FAM110B: variants seen among roughly 807,000 people sequenced by gnomAD.
FAM110B encodes the protein protein FAM110B.
FAM110B carries 6 observed loss-of-function variants against 20.4 expected under a neutral mutation model. That is an observed-to-expected ratio of 0.29 (90% CI 0.16 to 0.58). The LOEUF (loss-of-function observed/expected upper bound fraction) is 0.58. FAM110B is among the 20% of genes least tolerant of loss of function. The pLI, the probability that FAM110B is intolerant of heterozygous loss-of-function variation, is 0.90. For missense variants in FAM110B, 434 were observed against 498.2 expected (o/e 0.87, Z 1.23); for synonymous variants, 226 against 214.1 (o/e 1.06, Z -0.49).
intron 1 of FAM110B, among the ~76,000 whole-genome samples, chr8:58,025,251 T>C (rs1304986927): frequency 4.0e-5 from 6 of 151,544 alleles, no homozygotes; most frequent in Non-Finnish European, 8.8e-5. Flanking sequence ...CTCAGGGAGG[T>C]CAAGGGAATG....
chr8:58,067,332 A>G (rs1805792651), intron 2 of FAM110B, among the ~76,000 whole-genome samples: 1 of 152,212 alleles, frequency 6.6e-6, no homozygotes, highest in Non-Finnish European at 1.5e-5. Context: ...GGAAGAGTAG[A>G]TGAGGGTTTC....
chr8:58,113,090 G>C lies in FAM110B; in HGVS notation c.-324-32817G>C, dbSNP rs1412978524. 5.9e-5 allele frequency: 5 copies of C among 84,688 alleles called. No homozygotes were observed. The East Asian group carries it at 1.1e-3, about 18-fold the overall frequency. The allele number at this position is 84,688 out of a possible 1,614,324, so 5.2% of individuals were successfully genotyped here. A position where few individuals can be genotyped will look rare whatever the true frequency, so the allele number is the denominator to read the frequency against. On this transcript the variant is annotated intron_variant, in intron 3 of 3. Coordinates refer to ENST00000519262, the MANE Select transcript of FAM110B (RefSeq NM_001377989.1). Reference sequence around the variant, plus strand: ...TACAAGGGCACCATTCCCATTCATGGGGGGGGGCTCTGCCCTCATGATTTA... The same window carrying C: ...TACAAGGGCACCATTCCCATTCATGCGGGGGGGCTCTGCCCTCATGATTTA...
chr8:58,138,189 G>T (rs1803664138), intron 3 of FAM110B, among the ~76,000 whole-genome samples: 1 of 152,230 alleles, frequency 6.6e-6, no homozygotes, highest in Non-Finnish European at 1.5e-5. Context: ...TTCAGAGCTG[G>T]TTCTCTCTGG....
At chr8:58,103,482 C>T (rs938279773) in intron 3 of FAM110B, among the ~76,000 whole-genome samples, 9 of 152,066 alleles carry the variant, frequency 5.9e-5, no homozygotes, top group Admixed American at 5.9e-4. Flanking sequence ...TTCATCCATG[C>T]CCCTACAAAG....
chr8:58,138,157 A>G (rs1006733687), intron 3 of FAM110B, among the ~76,000 whole-genome samples: 4 of 152,182 alleles, frequency 2.6e-5, no homozygotes, highest in East Asian at 1.9e-4. Flanking sequence ...GTGGGAATCA[A>G]TGTCCCCTGG....
intron 3 of FAM110B, among the ~76,000 whole-genome samples, chr8:58,135,656 A>G (rs1479495092): frequency 6.6e-6 from 1 of 152,224 alleles, no homozygotes; most frequent in Non-Finnish European, 1.5e-5. Context: ...ACACAGCTAA[A>G]GGAGAAAGCA....
At chr8:58,085,914 T>C (rs1362437187) in intron 3 of FAM110B, among the ~76,000 whole-genome samples, 1 of 152,216 alleles carries the variant, frequency 6.6e-6, no homozygotes, top group Non-Finnish European at 1.5e-5. Flanking sequence ...AAATTATCAA[T>C]GGGAAAGTAT....
intron 1 of FAM110B, among the ~76,000 whole-genome samples, chr8:58,014,444 G>A (rs1178660917): frequency 6.6e-6 from 1 of 152,214 alleles, no homozygotes; most frequent in Non-Finnish European, 1.5e-5. Flanking sequence ...TCCTGAGCCT[G>A]TCTGGGTGAA....
intron 3 of FAM110B, chr8:58,113,601 T>A (rs934050855): frequency 1.2e-5 from 2 of 167,992 alleles, no homozygotes; most frequent in African/African-American, 4.8e-5. Context: ...CAGTCAAAAG[T>A]CACAAAGGGA....
intron 1 of FAM110B, among the ~76,000 whole-genome samples, chr8:58,030,484 A>G (rs1804941089): frequency 1.3e-5 from 2 of 152,210 alleles, no homozygotes; most frequent in African/African-American, 4.8e-5. Flanking sequence ...TTCCTAATAC[A>G]TGTTTAGTGT....
intron 2 of FAM110B, among the ~76,000 whole-genome samples, chr8:58,036,024 A>G (rs1359723845): frequency 6.6e-6 from 1 of 152,148 alleles, no homozygotes; most frequent in African/African-American, 2.4e-5. Context: ...TCCTGATGTG[A>G]AGCAATAATG....
chr8:58,111,134 A>T (rs1449215020), intron 3 of FAM110B, among the ~76,000 whole-genome samples: 1 of 152,204 alleles, frequency 6.6e-6, no homozygotes, highest in Non-Finnish European at 1.5e-5. Context: ...TATGTTTTGT[A>T]TTTATGTACA....
Position 58,146,118 on chromosome 8 carries a change from G to A in FAM110B, c.-113G>A. 2 of 1,274,372 alleles carry A rather than the reference G, an allele frequency of 1.6e-6. No individual in the cohort carries two copies. Among genetic ancestry groups the A allele is most frequent in the South Asian group, 1.6e-5 (1 of 63,076 alleles). 78.9% of individuals were successfully genotyped at this position (1,274,372 alleles called of 1,614,324 possible). A position where few individuals can be genotyped will look rare whatever the true frequency, so the allele number is the denominator to read the frequency against. On this transcript the variant is annotated 5_prime_UTR_variant, in exon 4 of 4. Coordinates refer to ENST00000519262, the MANE Select transcript of FAM110B (RefSeq NM_001377989.1). ...GCTGCGGCCGCTGCTGCTGACACTC[G>A]CTCCCAGGCTGCACCCGCCGCCCTT...
chr8:58,132,493 G>A (rs554566235), intron 3 of FAM110B, among the ~76,000 whole-genome samples: 1 of 152,048 alleles, frequency 6.6e-6, no homozygotes, highest in Admixed American at 6.5e-5. Context: ...CAGTCTTAGG[G>A]CACAGGCTTA....
chr8:58,070,014 G>A (rs1337917010), intron 2 of FAM110B, among the ~76,000 whole-genome samples: 3 of 152,146 alleles, frequency 2.0e-5, no homozygotes, highest in Non-Finnish European at 4.4e-5. Context: ...TATTAAAATT[G>A]AATTTTCTCC....
chr8:58,122,870 G>A (rs1424980915), intron 3 of FAM110B, among the ~76,000 whole-genome samples: 1 of 152,196 alleles, frequency 6.6e-6, no homozygotes, highest in African/African-American at 2.4e-5. Flanking sequence ...CAGCGTGGAG[G>A]TGGGAGTTGC....
chr8:58,112,505 T>C (rs2150620248), intron 3 of FAM110B, among the ~76,000 whole-genome samples: 1 of 152,360 alleles, frequency 6.6e-6, no homozygotes, highest in African/African-American at 2.4e-5. Flanking sequence ...GTTTGTAACA[T>C]TAGTAACAAC....
At chr8:57,998,549 ATTTTT>A (rs751806819) in intron 1 of FAM110B, among the ~76,000 whole-genome samples, 61 of 152,306 alleles carry the variant, frequency 4.0e-4, no homozygotes, top group Middle Eastern at 3.4e-3. Context: ...TTTAATGTTG[ATTTTT>A]TTGTACTGAA....
Position 58,146,522 on chromosome 8 carries a change from C to T in FAM110B, c.292C>T (p.Leu98Phe). 6.2e-7 allele frequency: 1 copy of T among 1,613,944 alleles called. No homozygotes were observed. Among genetic ancestry groups the T allele is most frequent in the Non-Finnish European group, 8.5e-7 (1 of 1,179,934 alleles). ...AAKRALGSPT[L>F]KVFGNHAKTE... ...CAAGCGCGCACTGGGCAGCCCCACGCTCAAAGTGTTCGGCAACCACGCCAA... is the reference window on the plus strand; with the variant it reads ...CAAGCGCGCACTGGGCAGCCCCACGTTCAAAGTGTTCGGCAACCACGCCAA... Residue 98 changes from leucine to phenylalanine, a missense_variant, in exon 4 of 4, where the codon CTC becomes TTC. Transcript: ENST00000519262.
Sources: gnomAD v4.1 joint callset for allele counts (sites outside exome capture counted in the v4.1 genomes callset) on GRCh38, gnomAD v4.1.1 for gene constraint, MANE v1.5 for transcripts, NCBI Gene and HGNC (gene_info 2026-07-23, HGNC 2026-07-21) for gene names.